Variants in CNTNAP2 observed in about 807,000 individuals in gnomAD.
The protein encoded by CNTNAP2 is contactin-associated protein-like 2.
Under a neutral mutation model 155.2 loss-of-function variants are expected in CNTNAP2, and 98 were observed. The observed-to-expected ratio is 0.63, with a 90% confidence interval of 0.54 to 0.75. CNTNAP2 has a LOEUF of 0.75. Among genes scored for constraint, CNTNAP2 ranks in the 30% least tolerant of loss-of-function variants. The probability of loss-of-function intolerance (pLI) is 0.00; values close to 1 mark genes in which losing one functional copy is unlikely to be tolerated. For synonymous variants in CNTNAP2, 651 were observed against 631.2 expected (o/e 1.03, Z -0.47); for missense variants, 1,727 against 1,688.1 (o/e 1.02, Z -0.40).
chr7:146,585,740 A>AAG (rs1554452112), intron 1 of CNTNAP2, among the ~76,000 whole-genome samples: 1 of 138,548 alleles, frequency 7.2e-6, no homozygotes, highest in Non-Finnish European at 1.6e-5. Flanking sequence ...GAAAGAAAGA[A>AAG]AAAGAAAGAA....
intron 11 of CNTNAP2, among the ~76,000 whole-genome samples, chr7:147,523,119 G>A (rs1799259343): frequency 6.6e-6 from 1 of 152,186 alleles, no homozygotes; most frequent in Admixed American, 6.5e-5. Flanking sequence ...TGATGTCAGT[G>A]AGGGCCGCAC....
intron 1 of CNTNAP2, among the ~76,000 whole-genome samples, chr7:146,569,207 G>A (rs1017408075): frequency 7.2e-5 from 11 of 151,956 alleles, no homozygotes; most frequent in African/African-American, 2.7e-4. Context: ...TAGTACAGAC[G>A]GGGTTTCACC....
At chr7:147,375,588 T>C (rs1796421098) in intron 9 of CNTNAP2, among the ~76,000 whole-genome samples, 3 of 152,030 alleles carry the variant, frequency 2.0e-5, no homozygotes, top group Admixed American at 2.0e-4. Flanking sequence ...CTTCTATACC[T>C]TACATTCTGC....
intron 8 of CNTNAP2, among the ~76,000 whole-genome samples, chr7:147,218,476 CT>C (rs1387672603): frequency 1.3e-5 from 2 of 151,736 alleles, no homozygotes; most frequent in African/African-American, 4.8e-5. Context: ...TTAAATTTCT[CT>C]TGAAATTTCC....
intron 10 of CNTNAP2, among the ~76,000 whole-genome samples, chr7:147,464,336 G>A (rs776801070): frequency 2.6e-5 from 4 of 152,044 alleles, no homozygotes; most frequent in East Asian, 1.9e-4. Context: ...GCCTGGTGAC[G>A]CATGCCTGTA....
chr7:147,178,918 A>G (rs902856847), intron 8 of CNTNAP2, among the ~76,000 whole-genome samples: 4 of 152,170 alleles, frequency 2.6e-5, no homozygotes, highest in Non-Finnish European at 4.4e-5. Context: ...CATTGTGGAA[A>G]GATGACTCTG....
chr7:146,829,295 T>C (rs1803465293), intron 2 of CNTNAP2, among the ~76,000 whole-genome samples: 1 of 152,072 alleles, frequency 6.6e-6, no homozygotes, highest in South Asian at 2.1e-4. Context: ...GTTAATGATT[T>C]TCATAATGCC....
intron 1 of CNTNAP2, among the ~76,000 whole-genome samples, chr7:146,614,134 A>G (rs1799185555): frequency 6.6e-6 from 1 of 152,162 alleles, no homozygotes; most frequent in Admixed American, 6.5e-5. Flanking sequence ...ATGCATTTGT[A>G]GAATTCCTCT....
chr7:147,822,599 T>A (rs1256402723), intron 13 of CNTNAP2, among the ~76,000 whole-genome samples: 3 of 152,154 alleles, frequency 2.0e-5, no homozygotes, highest in African/African-American at 7.2e-5. Flanking sequence ...TATCTCGTGT[T>A]CCTTTATCCA....
intron 10 of CNTNAP2, among the ~76,000 whole-genome samples, chr7:147,427,324 C>T (rs1329314998): frequency 6.6e-6 from 1 of 152,040 alleles, no homozygotes; most frequent in African/African-American, 2.4e-5. Context: ...ATCATTCAAA[C>T]CACTGCAAAA....
At chr7:147,851,394 C>T (rs1798937000) in intron 13 of CNTNAP2, among the ~76,000 whole-genome samples, 1 of 152,072 alleles carries the variant, frequency 6.6e-6, no homozygotes, top group Non-Finnish European at 1.5e-5. Flanking sequence ...ACTAGAAATA[C>T]CATTTGACCC....
chr7:146,456,613 A>G (rs1381410842), intron 1 of CNTNAP2, among the ~76,000 whole-genome samples: 2 of 152,096 alleles, frequency 1.3e-5, no homozygotes, highest in Non-Finnish European at 2.9e-5. Flanking sequence ...GTTCTTTTGG[A>G]GTTTTAATTT....
chr7:147,770,580 AC>A (rs1413756817), intron 13 of CNTNAP2, among the ~76,000 whole-genome samples: 1 of 152,224 alleles, frequency 6.6e-6, no homozygotes, highest in Admixed American at 6.5e-5. Context: ...AATAAAAGTA[AC>A]AAAAAGAAAA....
In CNTNAP2 at chr7:148,415,704, G is replaced by T; in HGVS notation, c.*88G>T. ...AAAGCACCCTGCTTCATACTCTTGA[G>T]CACATCCTTAAAATATCAGCACAAG... On this transcript the variant is annotated 3_prime_UTR_variant, in exon 24 of 24. Coordinates refer to ENST00000361727, the MANE Select transcript of CNTNAP2 (RefSeq NM_014141.6). The T allele has an allele frequency of 6.9e-7, 1 of 1,454,156 alleles. No homozygotes were observed. The allele number at this position is 1,454,156 out of a possible 1,614,324, so 90.1% of individuals were successfully genotyped here.
chr7:147,776,776 G>C (rs1048651039), intron 13 of CNTNAP2, among the ~76,000 whole-genome samples: 6 of 151,542 alleles, frequency 4.0e-5, no homozygotes, highest in African/African-American at 1.5e-4. Context: ...TAACATCTAA[G>C]CAATGAGATT....
chr7:146,354,197 T>C (rs1217386268), intron 1 of CNTNAP2, among the ~76,000 whole-genome samples: 6 of 152,182 alleles, frequency 3.9e-5, no homozygotes, highest in Non-Finnish European at 8.8e-5. Context: ...TATGTGACTT[T>C]GATAAAGCCA....
intron 1 of CNTNAP2, among the ~76,000 whole-genome samples, chr7:146,151,496 T>C (rs1798037203): frequency 6.6e-6 from 1 of 150,594 alleles, no homozygotes; most frequent in Non-Finnish European, 1.5e-5. Context: ...GTGGTTTTTG[T>C]CTTCCTGTGC....
intron 1 of CNTNAP2, among the ~76,000 whole-genome samples, chr7:146,261,406 T>A (rs1799917316): frequency 6.6e-6 from 1 of 151,590 alleles, no homozygotes; most frequent in African/African-American, 2.4e-5. Flanking sequence ...ATTTAAGTCA[T>A]CTCTCAACTC....
intron 13 of CNTNAP2, among the ~76,000 whole-genome samples, chr7:147,796,243 A>G (rs537540956): frequency 1.3e-5 from 2 of 152,346 alleles, no homozygotes; most frequent in African/African-American, 4.8e-5. Flanking sequence ...TTGACTGTCT[A>G]CAGTGTGCAT....
Sources: gnomAD v4.1 joint callset for allele counts (sites outside exome capture counted in the v4.1 genomes callset) on GRCh38, gnomAD v4.1.1 for gene constraint, MANE v1.5 for transcripts, NCBI Gene and HGNC (gene_info 2026-07-23, HGNC 2026-07-21) for gene names.